The following C6orf89 variants were observed in gnomAD, a reference collection of about 807,000 sequenced individuals.
The protein encoded by C6orf89 is chromosome 6 open reading frame 89.
In C6orf89, 29 loss-of-function variants were observed where a neutral mutation model predicts 40.7. The observed-to-expected ratio is 0.71, with a 90% confidence interval of 0.53 to 0.97. C6orf89 has a LOEUF of 0.97. Among genes scored for constraint, C6orf89 ranks in the 50% least tolerant of loss-of-function variants. C6orf89 has a pLI of 0.00. For synonymous variants in C6orf89, 165 were observed against 152.2 expected, an observed-to-expected ratio of 1.08 and a Z score of -0.62; for missense variants, 392 against 429.1, an observed-to-expected ratio of 0.91 and a Z score of 0.76.
Position 36,921,905 on chromosome 6 carries a change from G to A in C6orf89, c.950-1442G>A, listed in dbSNP as rs149853834. 8.1e-3 allele frequency among the ~76,000 whole-genome samples: 1,227 copies of A among 152,234 alleles called. 19 individuals are homozygous for A. Among genetic ancestry groups the A allele is most frequent in the African/African-American group, 0.028 (1,170 of 41,530 alleles). On this transcript the variant is annotated intron_variant, in intron 8 of 8. Transcript: ENST00000480824. ...TAGCCAGGCGTGGTGGCACACGCCT[G>A]TAGTTCCAGCTACTCAGGAAGCTGA...
intron 1 of C6orf89, among the ~76,000 whole-genome samples, chr6:36,889,482 G>A (rs1775114782): frequency 6.6e-6 from 1 of 151,430 alleles, no homozygotes. Flanking sequence ...TCTGATAGTA[G>A]AAACTGGAAA....
At position 36,910,414 on chromosome 6, in the gene C6orf89, A is replaced by G. The variant is rs187081664; in HGVS notation, c.404-3870A>G. ...GATTTATTGAATCTACCCTTTCCTCACTTAATTAAAAATCTATGTTTATCC... is the reference window on the plus strand; with the variant it reads ...GATTTATTGAATCTACCCTTTCCTCGCTTAATTAAAAATCTATGTTTATCC... On this transcript the variant is annotated intron_variant, in intron 4 of 8. Transcript: ENST00000480824. Among the ~76,000 whole-genome samples, 87 of 152,172 alleles carry G rather than the reference A, an allele frequency of 5.7e-4. 1 individual carries two copies. In the Middle Eastern group the frequency reaches 0.01, roughly 18 times the overall value.
At chr6:36,909,443 A>G (rs1463857460) in intron 4 of C6orf89, among the ~76,000 whole-genome samples, 2 of 152,138 alleles carry the variant, frequency 1.3e-5, no homozygotes, top group African/African-American at 4.8e-5. Context: ...ACTAAATAAT[A>G]GTATCTCATT....
At chr6:36,885,788 G>T, upstream of C6orf89, 2 of 387,812 alleles carry the variant, frequency 5.2e-6, no homozygotes, top group Non-Finnish European at 4.6e-6. Context: ...ACGCCAGGGG[G>T]AGCAAGAACC....
chr6:36,902,449 T>C lies in C6orf89; in HGVS notation c.403+15T>C. 1 of 1,604,370 alleles carries C rather than the reference T, an allele frequency of 6.2e-7. No individual in the cohort carries two copies. The highest frequency in any genetic ancestry group is 8.5e-7 in the Non-Finnish European group (1 of 1,171,362). On this transcript the variant is annotated intron_variant, in intron 4 of 8. Transcript: ENST00000480824. ...ACCCTTTCCAGGTAAAATGCAACAT[T>C]TATTACTTATTAGATATAGTTTTCT...
At chr6:36,914,718 A>G (rs1762253254) in intron 6 of C6orf89, 25 bp downstream of exon 6, 1 of 1,608,410 alleles carries the variant, frequency 6.2e-7, no homozygotes, top group African/African-American at 1.3e-5. Flanking sequence ...GGCCGGGCAC[A>G]GTGGCTCATG....
chr6:36,916,532 C>G lies in C6orf89; in HGVS notation c.783C>G (p.Asn261Lys). The G allele has an allele frequency of 6.2e-7, 1 of 1,614,208 alleles. No individual in the cohort carries two copies. Among genetic ancestry groups the G allele is most frequent in the Non-Finnish European group, 8.5e-7 (1 of 1,180,030 alleles). The change falls in exon 7 of 9, where the codon AAC becomes AAG. Residue 261 changes from asparagine to lysine, a missense_variant. Physicochemically the swap from Asn to Lys is moderately conservative, Grantham distance 94. Coordinates refer to ENST00000480824, the MANE Select transcript of C6orf89 (RefSeq NM_001286635.2). ...HLPFPKDASL[N>K]KCSFLHPEPV... Reference sequence around the variant, plus strand: ...CATTTCCAAAAGATGCCTCTTTAAACAAGTGCTCCTTTCTTCACCCAGAAC... The same window carrying G: ...CATTTCCAAAAGATGCCTCTTTAAAGAAGTGCTCCTTTCTTCACCCAGAAC...
At chr6:36,892,515 G>A (rs1761244970) in intron 1 of C6orf89, among the ~76,000 whole-genome samples, 1 of 152,090 alleles carries the variant, frequency 6.6e-6, no homozygotes, top group Non-Finnish European at 1.5e-5. Flanking sequence ...CTCCTGTCCA[G>A]TTTTGATAAT....
At chr6:36,876,918 C>G (rs1774673473) in intron 1 of C6orf89, among the ~76,000 whole-genome samples, 2 of 152,120 alleles carry the variant, frequency 1.3e-5, no homozygotes, top group African/African-American at 4.8e-5. Flanking sequence ...TAAAATGTCT[C>G]CAATTCCTCA....
chr6:36,909,169 G>A (rs1467337989), intron 4 of C6orf89, among the ~76,000 whole-genome samples: 1 of 144,574 alleles, frequency 6.9e-6, no homozygotes, highest in Admixed American at 7.0e-5. Flanking sequence ...CCATTTTCTA[G>A]GGTTGTTGTG....
intron 4 of C6orf89, among the ~76,000 whole-genome samples, chr6:36,904,610 GC>G (rs1047468573): frequency 2.0e-5 from 3 of 152,268 alleles, no homozygotes; most frequent in Admixed American, 1.3e-4. Flanking sequence ...AGAATTAAGT[GC>G]AACTTAATCT....
rs1561874949 is a variant in C6orf89, at chr6:36,916,418, C to T, written c.696-27C>T. ...TGGGCTGGCTTGACCAGTTTAATTA[C>T]TTTTTTTCTGTTTCATACTTCTACA... On this transcript the variant is annotated intron_variant, in intron 6 of 8. Transcript: ENST00000480824. 3 of 1,612,784 alleles carry T rather than the reference C, an allele frequency of 1.9e-6. No individual in the cohort carries two copies. The Admixed American group carries it at 5.0e-5, about 27-fold the overall frequency.
At chr6:36,912,007 C>T (rs1244097444) in intron 4 of C6orf89, among the ~76,000 whole-genome samples, 1 of 147,460 alleles carries the variant, frequency 6.8e-6, no homozygotes, top group Non-Finnish European at 1.5e-5. Context: ...CAGCCTCTCT[C>T]TTCTAGGGCA....
intron 2 of C6orf89, among the ~76,000 whole-genome samples, chr6:36,880,544 A>T (rs1409136003): frequency 2.0e-5 from 3 of 152,208 alleles, no homozygotes; most frequent in Non-Finnish European, 4.4e-5. Context: ...CTCTTGGTTC[A>T]TGTAACTTTA....
intron 4 of C6orf89, among the ~76,000 whole-genome samples, chr6:36,913,344 G>C (rs915497581): frequency 2.0e-5 from 3 of 152,166 alleles, no homozygotes; most frequent in Non-Finnish European, 4.4e-5. Flanking sequence ...TGGGATAGAG[G>C]GCTGTCTTAT....
chr6:36,914,255 TG>T, intron 4 of C6orf89, 28 bp from the exon 5 acceptor site: 1 of 1,588,272 alleles, frequency 6.3e-7, no homozygotes, highest in Non-Finnish European at 8.6e-7. Context: ...TTTCAGTATC[TG>T]TTTTCTCCAT....
intron 7 of C6orf89, among the ~76,000 whole-genome samples, chr6:36,919,035 A>G (rs188595980): frequency 4.6e-5 from 7 of 152,270 alleles, no homozygotes; most frequent in Admixed American, 3.9e-4. Flanking sequence ...CTGCTGTACA[A>G]TTCTTATCAG....
At chr6:36,907,941 C>T (rs1761984889) in intron 4 of C6orf89, among the ~76,000 whole-genome samples, 1 of 152,094 alleles carries the variant, frequency 6.6e-6, no homozygotes, top group Admixed American at 6.5e-5. Flanking sequence ...CATGATGGCT[C>T]CAGCCAGTTG....
upstream of C6orf89, chr6:36,885,947 G>A (rs1158726283): frequency 1.1e-5 from 14 of 1,253,576 alleles, no homozygotes; most frequent in South Asian, 2.7e-5. Context: ...CGCGCTCCCG[G>A]AAACAGGAAG....
Sources: allele counts gnomAD v4.1 joint callset (sites outside exome capture counted in the v4.1 genomes callset), GRCh38; gene constraint gnomAD v4.1.1; transcripts MANE v1.5; gene names NCBI Gene and HGNC (gene_info 2026-07-23, HGNC 2026-07-21).